ADAMTS17: variants seen among roughly 807,000 people sequenced by gnomAD.
ADAMTS17 encodes the protein A disintegrin and metalloproteinase with thrombospondin motifs 17.
ADAMTS17 carries 113 observed loss-of-function variants against 141.5 expected under a neutral mutation model. The observed-to-expected ratio is 0.80, with a 90% CI of 0.69 to 0.93. The LOEUF (loss-of-function observed/expected upper bound fraction) is 0.93, where lower values mean the gene tolerates loss of function less well. Ranked by LOEUF, ADAMTS17 falls within the 40% of genes least tolerant of loss-of-function variation. The pLI is 0.00. For synonymous variants in ADAMTS17, 768 were observed against 630.6 expected, an observed-to-expected ratio of 1.22 and a Z score of -3.27; for missense variants, 1,659 against 1,517.9, an observed-to-expected ratio of 1.09 and a Z score of -1.54.
At chr15:100,042,252 T>C (rs886239070) in intron 18 of ADAMTS17, among the ~76,000 whole-genome samples, 3 of 152,232 alleles carry the variant, frequency 2.0e-5, no homozygotes, top group Admixed American at 2.0e-4. Context: ...TAGGTTCTTA[T>C]GAAAGACTCA....
chr15:100,108,326 C>T lies in ADAMTS17; in HGVS notation c.2016+663G>A, dbSNP rs1186567929. Among the ~76,000 whole-genome samples the T allele has an allele frequency of 2.0e-5, 3 of 152,154 alleles. No homozygotes were observed. In the East Asian group the frequency reaches 5.8e-4, roughly 29 times the overall value. On this transcript the variant is annotated intron_variant, in intron 14 of 21. Coordinates refer to ENST00000268070, the MANE Select transcript of ADAMTS17 (RefSeq NM_139057.4). ...AGCTGGGATTACAAGCGCATGCCAC[C>T]ATGCCCGGCTAATTTATGTTTGTAT...
At chr15:100,183,054 T>TA (rs1412794090) in intron 8 of ADAMTS17, among the ~76,000 whole-genome samples, 1 of 152,190 alleles carries the variant, frequency 6.6e-6, no homozygotes, top group Non-Finnish European at 1.5e-5. Flanking sequence ...GGTGGCACGA[T>TA]CTCAGCTCAC....
rs569332582 is a variant in ADAMTS17 at position 99,997,336 on chromosome 15, G to A, written c.2796+49C>T. On this transcript the variant is annotated intron_variant, in intron 19 of 21. Coordinates refer to ENST00000268070, the MANE Select transcript of ADAMTS17 (RefSeq NM_139057.4). The surrounding 1 kb of genome is among the most constrained non-coding windows in gnomAD (Gnocchi z 4.7). ...AGAATGTCACCAATACCATGGCACC[G>A]TGTTGGAGTCCCTGTGGCTGAGTCC... 26 of 1,604,238 alleles carry A rather than the reference G, an allele frequency of 1.6e-5. No homozygotes were observed. The highest frequency in any genetic ancestry group is 1.7e-4 in the Middle Eastern group (1 of 6,054).
intron 7 of ADAMTS17, among the ~76,000 whole-genome samples, chr15:100,241,180 A>G (rs936721083): frequency 2.0e-5 from 3 of 152,158 alleles, no homozygotes; most frequent in Non-Finnish European, 1.5e-5. Flanking sequence ...TGGCCAATGA[A>G]TCTAATATGG....
intron 7 of ADAMTS17, among the ~76,000 whole-genome samples, chr15:100,235,234 G>C (rs76152825): frequency 2.0e-5 from 3 of 152,056 alleles, no homozygotes; most frequent in Non-Finnish European, 4.4e-5. Context: ...TGCTAGAAAA[G>C]CCATGCGTCA....
chr15:100,069,832 C>G (rs2033841077), intron 15 of ADAMTS17, among the ~76,000 whole-genome samples: 1 of 150,250 alleles, frequency 6.7e-6, no homozygotes, highest in Non-Finnish European at 1.5e-5. Flanking sequence ...GAAACTGCAC[C>G]AACTAACGAG....
intron 7 of ADAMTS17, among the ~76,000 whole-genome samples, chr15:100,223,805 A>ATG (rs540172120): frequency 6.8e-4 from 103 of 151,502 alleles, no homozygotes; most frequent in African/African-American, 1.8e-3. Context: ...GTGTATATAT[A>ATG]TGTGTGTGTG....
At chr15:100,139,327 C>T (rs997297806) in intron 10 of ADAMTS17, among the ~76,000 whole-genome samples, 15 of 152,164 alleles carry the variant, frequency 9.9e-5, no homozygotes, top group Admixed American at 6.5e-5. Flanking sequence ...GCAAAGCCAT[C>T]GCTCGGGAAA....
intron 21 of ADAMTS17, 152 bp downstream of exon 21, chr15:99,975,893 C>T: frequency 2.2e-6 from 2 of 902,730 alleles, no homozygotes; most frequent in Non-Finnish European, 3.3e-6. Flanking sequence ...ATCTCTGAAA[C>T]CTCTTCTACA....
intron 7 of ADAMTS17, among the ~76,000 whole-genome samples, chr15:100,213,034 C>T (rs1482593743): frequency 1.3e-5 from 2 of 151,824 alleles, no homozygotes; most frequent in East Asian, 3.9e-4. Flanking sequence ...TGCACATATC[C>T]GTAGTTTAAC....
chr15:100,054,169 G>T (rs972745046), intron 15 of ADAMTS17, 115 bp from the exon 16 acceptor site: 3 of 1,220,906 alleles, frequency 2.5e-6, no homozygotes, highest in African/African-American at 3.0e-5. Context: ...TTCCACAGGG[G>T]GAAGGAGGGA....
rs144806557 is a variant in ADAMTS17 at position 100,260,524 on chromosome 15, G to C, written c.1031+955C>G. On this transcript the variant is annotated intron_variant, in intron 6 of 21. Coordinates refer to ENST00000268070, the MANE Select transcript of ADAMTS17 (RefSeq NM_139057.4). ...AGCTACTCAGGAGGCTGAGGCAGGA[G>C]AATCACTTGAACCCAGGACGCAGAG... Among the ~76,000 whole-genome samples the C allele has an allele frequency of 2.8e-3, 422 of 151,742 alleles. 5 individuals are homozygous for C. The highest frequency in any genetic ancestry group is 9.5e-3 in the African/African-American group (393 of 41,358).
intron 3 of ADAMTS17, among the ~76,000 whole-genome samples, chr15:100,282,764 A>C (rs2044326704): frequency 6.6e-6 from 1 of 152,232 alleles, no homozygotes; most frequent in South Asian, 2.1e-4. Context: ...TGGCAAAAAA[A>C]TGGAAATATA....
At chr15:100,022,303 C>G (rs774186493) in intron 18 of ADAMTS17, among the ~76,000 whole-genome samples, 1 of 152,192 alleles carries the variant, frequency 6.6e-6, no homozygotes, top group Non-Finnish European at 1.5e-5. Context: ...CCACAGCCCC[C>G]ACCTCCTCCT....
intron 17 of ADAMTS17, 85 bp downstream of exon 17, chr15:100,051,487 A>AGGCAG: frequency 6.3e-7 from 1 of 1,583,748 alleles, no homozygotes; most frequent in Non-Finnish European, 8.6e-7. Flanking sequence ...CAGATGTCTC[A>AGGCAG]CACTCTGCGT....
intron 12 of ADAMTS17, among the ~76,000 whole-genome samples, chr15:100,119,418 G>T (rs74037386): frequency 0.046 from 7,031 of 152,246 alleles, 486 homozygotes; most frequent in African/African-American, 0.15. Flanking sequence ...AAATTAGGTG[G>T]GTTCGTAGAA....
At chr15:100,328,782 T>C (rs1055017131) in intron 3 of ADAMTS17, among the ~76,000 whole-genome samples, 1 of 152,172 alleles carries the variant, frequency 6.6e-6, no homozygotes, top group African/African-American at 2.4e-5. Flanking sequence ...AAGGCGGCCA[T>C]TAGACAAACA....
intron 8 of ADAMTS17, chr15:100,168,609 G>A (rs1438194133): frequency 1.3e-5 from 2 of 152,258 alleles, no homozygotes; most frequent in African/African-American, 4.8e-5. Context: ...GCTGCTAACA[G>A]TGCGTAGCAA....
chr15:100,164,554 A>G (rs992154263), intron 8 of ADAMTS17, among the ~76,000 whole-genome samples: 1 of 152,174 alleles, frequency 6.6e-6, no homozygotes, highest in Non-Finnish European at 1.5e-5. Flanking sequence ...GGCACAGTGG[A>G]GAAGAATGGC....
Sources: gnomAD v4.1 joint callset for allele counts (sites outside exome capture counted in the v4.1 genomes callset) on GRCh38, gnomAD v4.1.1 for gene constraint, Gnocchi (gnomAD v3.1) non-coding constraint, MANE v1.5 for transcripts, NCBI Gene and HGNC (gene_info 2026-07-23, HGNC 2026-07-21) for gene names.